The following LRP1B variants were observed in gnomAD, a reference collection of about 807,000 sequenced individuals.
LRP1B encodes LDL receptor related protein 1B.
A neutral mutation model predicts 556.6 loss-of-function variants in LRP1B; 217 were observed. That is an observed-to-expected ratio of 0.39 (90% confidence interval 0.35 to 0.44). The LOEUF is 0.44. LRP1B is among the 20% of genes least tolerant of loss of function. The pLI is 1.00. For missense variants in LRP1B, 5,053 were observed against 5,620.8 expected (o/e 0.90, Z 3.23); for synonymous variants, 2,047 against 1,865.8 (o/e 1.10, Z -2.50).
intron 80 of LRP1B, among the ~76,000 whole-genome samples, chr2:140,324,371 T>C (rs1431373548): frequency 1.3e-5 from 2 of 152,008 alleles, no homozygotes; most frequent in African/African-American, 2.4e-5. Context: ...TGCTATGCAG[T>C]TGACAAAAGA....
Position 142,040,183 on chromosome 2 carries a change from T to C in LRP1B, c.82+90465A>G, listed in dbSNP as rs781273801. Among the ~76,000 whole-genome samples, 9 of 151,546 alleles carry C rather than the reference T, an allele frequency of 5.9e-5. No homozygotes were observed. The East Asian group carries it at 1.2e-3, about 20-fold the overall frequency. ...GTGAACATAATCTGGTTTCTAATGA[T>C]TGACTTAATTTTTTTTAATGCTTGC... is the stretch of plus-strand genomic sequence containing the variant. On this transcript the variant is annotated intron_variant, in intron 1 of 90. Transcript: ENST00000389484.
chr2:141,761,033 A>G (rs16847064), intron 2 of LRP1B, among the ~76,000 whole-genome samples: 23,134 of 152,114 alleles, frequency 0.15, 2,786 homozygotes, highest in African/African-American at 0.34. Flanking sequence ...TGGGGTTGAC[A>G]GACTGAGTGA....
chr2:141,255,558 T>C (rs1260420189), intron 3 of LRP1B, among the ~76,000 whole-genome samples: 1 of 152,088 alleles, frequency 6.6e-6, no homozygotes, highest in Non-Finnish European at 1.5e-5. Flanking sequence ...GTATTATAAA[T>C]GTAGTTATCT....
chr2:141,058,424 G>C (rs139035644), intron 9 of LRP1B, among the ~76,000 whole-genome samples: 69 of 151,828 alleles, frequency 4.5e-4, no homozygotes, highest in Admixed American at 3.6e-3. Context: ...AAAAACTGCA[G>C]CCTTCTCATT....
intron 2 of LRP1B, among the ~76,000 whole-genome samples, chr2:141,628,729 GTC>G (rs1688794592): frequency 6.6e-6 from 1 of 151,858 alleles, no homozygotes; most frequent in South Asian, 2.1e-4. Flanking sequence ...GCTCACCACA[GTC>G]TCTACCTCTG....
At position 141,640,017 on chromosome 2, in the gene LRP1B, T is replaced by C. The variant is rs558787272; in HGVS notation, c.206-159484A>G. On this transcript the variant is annotated intron_variant, in intron 2 of 90. Coordinates refer to ENST00000389484, the MANE Select transcript of LRP1B (RefSeq NM_018557.3). ...TCCCTTGGAAATGATGATTCAGCAA[T>C]AGAAGCTTGAACCCAACTGAATTGT... Among the ~76,000 whole-genome samples the C allele has an allele frequency of 3.3e-5, 5 of 152,318 alleles. No homozygotes were observed. In the East Asian group the frequency reaches 9.7e-4, roughly 29 times the overall value.
chr2:140,244,810 T>C (rs965807700), intron 87 of LRP1B, among the ~76,000 whole-genome samples: 1 of 151,344 alleles, frequency 6.6e-6, no homozygotes, highest in South Asian at 2.1e-4. Context: ...GGTCCACTGA[T>C]GATAGAAATG....
At chr2:141,396,814 C>T (rs1690251855) in intron 3 of LRP1B, among the ~76,000 whole-genome samples, 1 of 151,860 alleles carries the variant, frequency 6.6e-6, no homozygotes, top group Admixed American at 6.6e-5. Flanking sequence ...ATACACAGAC[C>T]AGACATACAA....
chr2:141,956,975 T>C (rs928189921), intron 1 of LRP1B, among the ~76,000 whole-genome samples: 39 of 152,042 alleles, frequency 2.6e-4, no homozygotes, highest in Non-Finnish European at 4.6e-4. Context: ...AAAATACTTC[T>C]TCCTGTCAGC....
At chr2:141,945,992 C>T (rs1198145829) in intron 1 of LRP1B, among the ~76,000 whole-genome samples, 2 of 151,866 alleles carry the variant, frequency 1.3e-5, no homozygotes, top group African/African-American at 4.8e-5. Context: ...TTAACAGGCA[C>T]AGTAGGCAAG....
At chr2:140,997,512 G>A (rs1336409230) in intron 15 of LRP1B, among the ~76,000 whole-genome samples, 2 of 151,720 alleles carry the variant, frequency 1.3e-5, no homozygotes, top group East Asian at 3.9e-4. Context: ...TTCTGACTTT[G>A]CTTTTTCTCT....
intron 31 of LRP1B, among the ~76,000 whole-genome samples, chr2:140,835,064 G>A (rs961323927): frequency 6.6e-6 from 1 of 152,160 alleles, no homozygotes; most frequent in African/African-American, 2.4e-5. Flanking sequence ...GTTTTGAAAT[G>A]TATGTGAAGG....
chr2:141,051,967 ATTGT>A (rs61572964), intron 10 of LRP1B, among the ~76,000 whole-genome samples: 72,960 of 151,192 alleles, frequency 0.48, 18,616 homozygotes, highest in Non-Finnish European at 0.58. Flanking sequence ...CTCTGCTCTT[ATTGT>A]TTAATTTTAG....
intron 7 of LRP1B, among the ~76,000 whole-genome samples, chr2:141,181,737 G>T (rs560809388): frequency 6.6e-6 from 1 of 151,818 alleles, no homozygotes; most frequent in Non-Finnish European, 1.5e-5. Context: ...CCCAGGCTAA[G>T]CACATTGTAA....
At chr2:141,065,903 G>C (rs897942655) in intron 7 of LRP1B, among the ~76,000 whole-genome samples, 1 of 151,890 alleles carries the variant, frequency 6.6e-6, no homozygotes, top group African/African-American at 2.4e-5. Flanking sequence ...AGATTGTGGA[G>C]ACCAGTCCCA....
At chr2:140,908,505 C>T (rs1389132318) in intron 21 of LRP1B, among the ~76,000 whole-genome samples, 1 of 151,406 alleles carries the variant, frequency 6.6e-6, no homozygotes, top group Non-Finnish European at 1.5e-5. Context: ...TAGGTGAATG[C>T]TATCGGTGCC....
At chr2:141,093,607 A>G (rs563113303) in intron 7 of LRP1B, among the ~76,000 whole-genome samples, 1 of 152,224 alleles carries the variant, frequency 6.6e-6, no homozygotes, top group African/African-American at 2.4e-5. Flanking sequence ...AGAGCTGTGG[A>G]GAGTTAGATT....
intron 2 of LRP1B, among the ~76,000 whole-genome samples, chr2:141,592,020 G>T (rs1687357969): frequency 6.6e-6 from 1 of 151,962 alleles, no homozygotes; most frequent in Non-Finnish European, 1.5e-5. Context: ...CAATTTGGTT[G>T]CAACTTTCTC....
chr2:141,758,037 C>T (rs557779631), intron 2 of LRP1B, among the ~76,000 whole-genome samples: 174 of 152,210 alleles, frequency 1.1e-3, no homozygotes, highest in African/African-American at 4.0e-3. Flanking sequence ...ACAGGTTATG[C>T]GTAGCTGCAT....
Sources: allele counts gnomAD v4.1 joint callset (sites outside exome capture counted in the v4.1 genomes callset), GRCh38; gene constraint gnomAD v4.1.1; transcripts MANE v1.5; gene names NCBI Gene and HGNC (gene_info 2026-07-23, HGNC 2026-07-21).